The following FAM13A variants were observed in gnomAD, a reference collection of about 807,000 sequenced individuals.
FAM13A encodes protein FAM13A.
Under a neutral mutation model 129.6 loss-of-function variants are expected in FAM13A, and 76 were observed. The observed-to-expected ratio is 0.59, with a 90% CI of 0.49 to 0.71. The LOEUF (loss-of-function observed/expected upper bound fraction) is 0.71, where lower values mean the gene tolerates loss of function less well. Ranked by LOEUF, FAM13A falls within the 30% of genes least tolerant of loss-of-function variation. The probability of loss-of-function intolerance (pLI) is 0.00; values close to 1 mark genes in which losing one functional copy is unlikely to be tolerated. For synonymous variants in FAM13A, 443 were observed against 449.9 expected (o/e 0.98, Z 0.20); for missense variants, 1,108 against 1,249.3 (o/e 0.89, Z 1.70).
chr4:89,034,987 T>A (rs1468132475), intron 1 of FAM13A, among the ~76,000 whole-genome samples: 1 of 152,138 alleles, frequency 6.6e-6, no homozygotes, highest in Non-Finnish European at 1.5e-5. Flanking sequence ...TGGGTGCCCA[T>A]GAGTGGCAGA....
chr4:88,790,484 A>G, intron 9 of FAM13A, 102 bp downstream of exon 9: 1 of 943,054 alleles, frequency 1.1e-6, no homozygotes, highest in Non-Finnish European at 1.7e-6. Flanking sequence ...ATTTTCCAAT[A>G]CTGTACACCA....
chr4:88,926,865 T>C (rs1273859827), intron 5 of FAM13A, among the ~76,000 whole-genome samples: 1 of 152,146 alleles, frequency 6.6e-6, no homozygotes, highest in Non-Finnish European at 1.5e-5. Context: ...CCCTCTACCA[T>C]GCTATTAAAA....
chr4:88,799,694 A>G (rs1280128201), intron 8 of FAM13A, among the ~76,000 whole-genome samples: 1 of 152,188 alleles, frequency 6.6e-6, no homozygotes, highest in Non-Finnish European at 1.5e-5. Flanking sequence ...CATATTGTCC[A>G]CGATGGTCTC....
At chr4:88,962,204 G>C (rs1052871279) in intron 4 of FAM13A, among the ~76,000 whole-genome samples, 1 of 151,832 alleles carries the variant, frequency 6.6e-6, no homozygotes, top group African/African-American at 2.4e-5. Context: ...GAGGATATTT[G>C]AGTCTCCTTT....
At chr4:89,039,280 T>C (rs572856943) in intron 1 of FAM13A, among the ~76,000 whole-genome samples, 24 of 152,340 alleles carry the variant, frequency 1.6e-4, no homozygotes, top group African/African-American at 5.8e-4. Context: ...TAAGTTAAAA[T>C]ATACAACCTT....
At chr4:88,765,816 G>C (rs7660516) in intron 13 of FAM13A, among the ~76,000 whole-genome samples, 148,576 of 152,314 alleles carry the variant, frequency 0.98, 72,480 homozygotes, top group East Asian at 1. Flanking sequence ...CTAATTTTAT[G>C]TCCTAACTGA....
chr4:88,771,947 T>C (rs3816453), intron 11 of FAM13A, among the ~76,000 whole-genome samples: 113,136 of 152,098 alleles, frequency 0.74, 42,759 homozygotes, highest in Non-Finnish European at 0.83. Context: ...TCATTTTAGA[T>C]TGTGGAATTT....
At chr4:88,986,253 C>A (rs531475615) in intron 4 of FAM13A, among the ~76,000 whole-genome samples, 1 of 152,148 alleles carries the variant, frequency 6.6e-6, no homozygotes, top group Non-Finnish European at 1.5e-5. Flanking sequence ...CATGCCTCAG[C>A]CTCTCAAGTA....
At chr4:88,821,187 C>T (rs915575481) in intron 7 of FAM13A, among the ~76,000 whole-genome samples, 9 of 152,176 alleles carry the variant, frequency 5.9e-5, no homozygotes, top group African/African-American at 1.2e-4. Context: ...CAAAGACAAC[C>T]GCACAAACCT....
chr4:88,861,380 CAAA>C (rs373411738), intron 6 of FAM13A, among the ~76,000 whole-genome samples: 36 of 83,894 alleles, frequency 4.3e-4, no homozygotes, highest in Middle Eastern at 6.6e-3. Context: ...GACTCCGTCT[CAAA>C]AAAAAAAAAA....
At chr4:88,821,032 G>A (rs1731785009) in intron 7 of FAM13A, among the ~76,000 whole-genome samples, 1 of 152,172 alleles carries the variant, frequency 6.6e-6, no homozygotes, top group Non-Finnish European at 1.5e-5. Flanking sequence ...CCATAACGGT[G>A]GGGAGAGTCC....
intron 11 of FAM13A, among the ~76,000 whole-genome samples, chr4:88,772,653 G>C (rs549851930): frequency 3.9e-5 from 6 of 152,260 alleles, no homozygotes; most frequent in East Asian, 1.9e-4. Flanking sequence ...AATGCATTTA[G>C]TACACTTAAC....
chr4:88,839,429 C>A (rs1735417155), intron 7 of FAM13A, among the ~76,000 whole-genome samples: 1 of 152,134 alleles, frequency 6.6e-6, no homozygotes, highest in South Asian at 2.1e-4. Flanking sequence ...AATTGAAGTT[C>A]CTGCCTTTAC....
chr4:88,996,231 G>A (rs2149037919), intron 3 of FAM13A, among the ~76,000 whole-genome samples: 1 of 152,256 alleles, frequency 6.6e-6, no homozygotes, highest in South Asian at 2.1e-4. Flanking sequence ...TTCTTGTTTT[G>A]TTTTGTTTAC....
intron 5 of FAM13A, among the ~76,000 whole-genome samples, chr4:88,909,116 T>G (rs1474236519): frequency 6.6e-6 from 1 of 152,192 alleles, no homozygotes; most frequent in Admixed American, 6.5e-5. Context: ...AGTTGAAAAT[T>G]TATGTCCACA....
chr4:88,921,884 A>T (rs1751160261), intron 5 of FAM13A, among the ~76,000 whole-genome samples: 1 of 152,126 alleles, frequency 6.6e-6, no homozygotes, highest in African/African-American at 2.4e-5. Flanking sequence ...AAACAAAAAA[A>T]GGCAGGGGTG....
intron 6 of FAM13A, among the ~76,000 whole-genome samples, chr4:88,852,539 C>A (rs1021165746): frequency 2.6e-5 from 4 of 152,154 alleles, no homozygotes; most frequent in Non-Finnish European, 5.9e-5. Context: ...CTTGATTACA[C>A]ATTGCCTGAT....
At chr4:89,028,771 T>TA (rs33910983) in intron 2 of FAM13A, among the ~76,000 whole-genome samples, 40,264 of 137,798 alleles carry the variant, frequency 0.29, 5,765 homozygotes, top group Middle Eastern at 0.44. Flanking sequence ...TTAAAGTACA[T>TA]AAAAAAAAAA....
intron 8 of FAM13A, among the ~76,000 whole-genome samples, chr4:88,795,386 C>A (rs1405452966): frequency 6.6e-6 from 1 of 151,740 alleles, no homozygotes; most frequent in East Asian, 1.9e-4. Context: ...TATAACCCAT[C>A]GAAATGTCAG....
Sources: gnomAD v4.1 joint callset for allele counts (sites outside exome capture counted in the v4.1 genomes callset) on GRCh38, gnomAD v4.1.1 for gene constraint, MANE v1.5 for transcripts, NCBI Gene and HGNC (gene_info 2026-07-23, HGNC 2026-07-21) for gene names.